Variants in ME1 observed in about 807,000 individuals in gnomAD.
The protein encoded by ME1 is NADP-dependent malic enzyme.
A neutral mutation model predicts 66.4 loss-of-function variants in ME1; 74 were observed. That is an observed-to-expected ratio of 1.11 (90% CI 0.92 to 1.35). The LOEUF is 1.35. ME1 is among the 40% of genes most tolerant of loss of function. ME1 has a pLI of 0.00. For synonymous variants in ME1, 251 were observed against 235.6 expected, an observed-to-expected ratio of 1.07 and a Z score of -0.60; for missense variants, 750 against 694.1, an observed-to-expected ratio of 1.08 and a Z score of -0.90.
intron 5 of ME1, 56 bp downstream of exon 5, chr6:83,346,117 A>C: frequency 1.5e-6 from 2 of 1,330,662 alleles, no homozygotes; most frequent in Non-Finnish European, 1.0e-6. Flanking sequence ...TCAAAATGCA[A>C]GAATTGATGC....
intron 3 of ME1, among the ~76,000 whole-genome samples, chr6:83,357,899 T>TCCGCC (rs1768920966): frequency 1.6e-5 from 1 of 62,226 alleles, no homozygotes; most frequent in South Asian, 5.6e-4. Flanking sequence ...CTTAATAAAC[T>TCCGCC]CCCCTCTCTC....
chr6:83,232,580 A>G (rs1300453566), intron 9 of ME1, among the ~76,000 whole-genome samples: 1 of 152,148 alleles, frequency 6.6e-6, no homozygotes, highest in African/African-American at 2.4e-5. Context: ...TATTTGAAAT[A>G]AAAAAGAGGG....
At chr6:83,367,834 A>T (rs1562491906) in intron 3 of ME1, among the ~76,000 whole-genome samples, 1 of 152,176 alleles carries the variant, frequency 6.6e-6, no homozygotes, top group Admixed American at 6.5e-5. Context: ...TGTTCATTGG[A>T]ATAGCACTTT....
intron 3 of ME1, among the ~76,000 whole-genome samples, chr6:83,398,068 ATT>A (rs1288878682): frequency 6.6e-6 from 1 of 152,136 alleles, no homozygotes; most frequent in Non-Finnish European, 1.5e-5. Flanking sequence ...CAAGACATCT[ATT>A]GTACCACATA....
chr6:83,230,421 T>C (rs1790282730), intron 9 of ME1, among the ~76,000 whole-genome samples: 1 of 152,120 alleles, frequency 6.6e-6, no homozygotes, highest in Admixed American at 6.6e-5. Flanking sequence ...AACCTCTTTG[T>C]GCTTGTCTCC....
rs112298249 is a variant in ME1, at chr6:83,297,754, G to A, written c.704+17556C>T. Among the ~76,000 whole-genome samples the A allele has an allele frequency of 5.3e-3, 812 of 152,070 alleles. 11 individuals carry two copies. Among genetic ancestry groups the A allele is most frequent in the African/African-American group, 0.018 (754 of 41,466 alleles). On this transcript the variant is annotated intron_variant, in intron 6 of 13. Coordinates refer to ENST00000369705, the MANE Select transcript of ME1 (RefSeq NM_002395.6). The stretch of plus-strand genomic sequence containing the variant: ...TGATGCTCTCCCTGCCCCGACACCC[G>A]ACAGGCCCCAGTGTGTGTTCTTCCC...
In ME1 at chr6:83,392,629, A is replaced by C. The variant is rs898268749; in HGVS notation, c.362+5738T>G. ...GAACGGGAAGCTTGTTATCAATGGAAATCTCATCACTATTTTCCAGGGGCA... is the reference window on the plus strand; with the variant it reads ...GAACGGGAAGCTTGTTATCAATGGACATCTCATCACTATTTTCCAGGGGCA... On this transcript the variant is annotated intron_variant, in intron 3 of 13. Transcript: ENST00000369705. The C allele has an allele frequency of 1.0e-5, 6 of 582,444 alleles. No individual in the cohort carries two copies. The Admixed American group carries it at 1.1e-4, about 11-fold the overall frequency. The allele number at this position is 582,444 out of a possible 1,614,324, so 36.1% of individuals were successfully genotyped here.
chr6:83,236,135 C>T (rs1790400155), intron 9 of ME1, among the ~76,000 whole-genome samples: 1 of 151,882 alleles, frequency 6.6e-6, no homozygotes, highest in Admixed American at 6.6e-5. Context: ...TCTTTGAAAA[C>T]AATTTAAAGC....
At chr6:83,430,780 C>A (rs571628692) in intron 1 of ME1, 97 bp downstream of exon 1, 5 of 1,081,016 alleles carry the variant, frequency 4.6e-6, no homozygotes, top group Admixed American at 2.5e-5. Context: ...CCCAGGGGAG[C>A]GGCGGAGGGG....
chr6:83,287,423 G>A lies in ME1; in HGVS notation c.704+27887C>T, dbSNP rs963913523. On this transcript the variant is annotated intron_variant, in intron 6 of 13. Transcript: ENST00000369705. ...GCGGTGTTTGGTTTTCTGATCTTGC[G>A]ATAGTTTGCTGAGAATGATGGTTTC... is the stretch of plus-strand genomic sequence containing the variant. Among the ~76,000 whole-genome samples the A allele has an allele frequency of 1.1e-4, 17 of 152,220 alleles. No homozygotes were observed. The East Asian group carries it at 1.7e-3, about 16-fold the overall frequency.
intron 6 of ME1, among the ~76,000 whole-genome samples, chr6:83,258,534 G>T (rs1164391862): frequency 6.6e-6 from 1 of 152,080 alleles, no homozygotes; most frequent in Admixed American, 6.6e-5. Context: ...GGTTTTAAAA[G>T]TTAACAGAAA....
At chr6:83,400,567 T>C (rs973770890) in intron 2 of ME1, among the ~76,000 whole-genome samples, 5 of 152,122 alleles carry the variant, frequency 3.3e-5, no homozygotes, top group African/African-American at 1.2e-4. Context: ...TCAAAATATA[T>C]CCAAAATCTG....
intron 2 of ME1, among the ~76,000 whole-genome samples, chr6:83,401,258 C>T (rs984877549): frequency 6.6e-6 from 1 of 152,068 alleles, no homozygotes; most frequent in African/African-American, 2.4e-5. Context: ...CTGTTTGAGC[C>T]CAGGATGTTG....
At chr6:83,310,987 G>T (rs1159844372) in intron 6 of ME1, among the ~76,000 whole-genome samples, 1 of 152,124 alleles carries the variant, frequency 6.6e-6, no homozygotes, top group Non-Finnish European at 1.5e-5. Context: ...TGTCTGGTTT[G>T]ATGTCTGTCG....
In ME1 at chr6:83,213,564, G is replaced by A. The variant is rs116979468; in HGVS notation, c.1549-1470C>T. ...ACTTTTTTAGAAGAGAAGGGGTTTC[G>A]CCATGTTGGCCAGTCTGGTCTCAAA... On this transcript the variant is annotated intron_variant, in intron 13 of 13. Transcript: ENST00000369705. Among the ~76,000 whole-genome samples the A allele has an allele frequency of 6.8e-3, 1,034 of 152,090 alleles. 40 individuals carry two copies. The highest frequency in any genetic ancestry group is 0.053 in the Admixed American group (804 of 15,272).
chr6:83,369,453 A>G (rs980105009), intron 3 of ME1, among the ~76,000 whole-genome samples: 3 of 152,044 alleles, frequency 2.0e-5, no homozygotes, highest in African/African-American at 4.8e-5. Flanking sequence ...AAAATCTCCC[A>G]CCATATAATA....
chr6:83,267,330 A>C (rs1377486866), intron 6 of ME1, among the ~76,000 whole-genome samples: 1 of 152,158 alleles, frequency 6.6e-6, no homozygotes, highest in Non-Finnish European at 1.5e-5. Flanking sequence ...TCCTTGTGCA[A>C]TTCTAAATCA....
At chr6:83,372,248 G>A (rs2128547358) in intron 3 of ME1, among the ~76,000 whole-genome samples, 1 of 152,264 alleles carries the variant, frequency 6.6e-6, no homozygotes, top group Non-Finnish European at 1.5e-5. Flanking sequence ...TATGACAGAA[G>A]TAAGGCTGTG....
intron 6 of ME1, among the ~76,000 whole-genome samples, chr6:83,285,982 A>G (rs1363210820): frequency 6.6e-6 from 1 of 152,140 alleles, no homozygotes; most frequent in Non-Finnish European, 1.5e-5. Flanking sequence ...TGTCATTTCT[A>G]TTTTCACATT....
Sources: allele counts gnomAD v4.1 joint callset (sites outside exome capture counted in the v4.1 genomes callset), GRCh38; gene constraint gnomAD v4.1.1; transcripts MANE v1.5; gene names NCBI Gene and HGNC (gene_info 2026-07-23, HGNC 2026-07-21).